MTERF3: variants seen among roughly 807,000 people sequenced by gnomAD.
MTERF3 encodes transcription termination factor 3, mitochondrial.
Under a neutral mutation model 40.5 loss-of-function variants are expected in MTERF3, and 40 were observed. The observed-to-expected ratio is 0.99, with a 90% confidence interval of 0.77 to 1.29. The LOEUF is 1.29. Ranked by LOEUF, MTERF3 falls within the 50% of genes most tolerant of loss-of-function variation. The pLI is 0.00. For synonymous variants in MTERF3, 158 were observed against 166.6 expected (o/e 0.95, Z 0.40); for missense variants, 452 against 478.2 (o/e 0.95, Z 0.51).
At position 96,245,860 on chromosome 8, in the gene MTERF3, C is replaced by T. The variant is rs773872247; in HGVS notation, c.897G>A (p.Lys299=). ...GSLEPVKENM[K]VYRLELGFKH... is the part of the protein sequence containing the mutation. ...CTCAAAAAGCCTAAAGTTGTCCTAC[C>T]TTCATATTTTCTTTCACGGGTTCCA... The change falls in exon 6 of 8, where the codon AAG becomes AAA. Residue 299 remains lysine (K), a splice_region_variant and synonymous_variant. Coordinates refer to ENST00000287025, the MANE Select transcript of MTERF3 (RefSeq NM_015942.5). The T allele has an allele frequency of 3.8e-5, 61 of 1,613,088 alleles. No homozygotes were observed. Among genetic ancestry groups the T allele is most frequent in the Non-Finnish European group, 5.0e-5 (59 of 1,179,272 alleles).
intron 1 of MTERF3, 99 bp downstream of exon 1, chr8:96,261,402 G>A (rs1210964505): frequency 1.3e-5 from 2 of 152,320 alleles, no homozygotes; most frequent in African/African-American, 2.4e-5. Context: ...AAAACCTAAA[G>A]GCCCTTGAGG....
chr8:96,246,524 G>C, intron 4 of MTERF3, 70 bp from the exon 5 acceptor site: 1 of 1,338,720 alleles, frequency 7.5e-7, no homozygotes, highest in Non-Finnish European at 1.0e-6. Context: ...GGAGTCTCAT[G>C]CTACTTCCCA....
At chr8:96,247,710 G>A (rs1810047711) in intron 4 of MTERF3, among the ~76,000 whole-genome samples, 10 of 151,924 alleles carry the variant, frequency 6.6e-5, no homozygotes, top group Admixed American at 6.6e-4. Context: ...TTTAAAAATA[G>A]TTAAAATATT....
intron 7 of MTERF3, 199 bp from the exon 8 acceptor site, chr8:96,239,884 C>G: frequency 1.4e-6 from 1 of 699,224 alleles, no homozygotes; most frequent in South Asian, 1.5e-5. Flanking sequence ...AATCAACATA[C>G]AAAACAATAA....
chr8:96,255,329 G>A (rs1466179263), intron 3 of MTERF3, among the ~76,000 whole-genome samples: 1 of 152,008 alleles, frequency 6.6e-6, no homozygotes, highest in Non-Finnish European at 1.5e-5. Context: ...AAAGAGGAAG[G>A]GGACAAAAGC....
chr8:96,249,359 G>A (rs1810081753), intron 4 of MTERF3, among the ~76,000 whole-genome samples: 1 of 152,176 alleles, frequency 6.6e-6, no homozygotes, highest in Admixed American at 6.5e-5. Context: ...AGCAAAAAGG[G>A]CAAGCTGGTT....
chr8:96,252,105 C>T (rs1398427367), intron 3 of MTERF3, among the ~76,000 whole-genome samples: 1 of 152,206 alleles, frequency 6.6e-6, no homozygotes, highest in African/African-American at 2.4e-5. Context: ...GTGCCTTTCA[C>T]CTTCTGCCAT....
At chr8:96,249,051 C>A (rs780553623) in intron 4 of MTERF3, among the ~76,000 whole-genome samples, 1 of 152,158 alleles carries the variant, frequency 6.6e-6, no homozygotes, top group African/African-American at 2.4e-5. Context: ...ATGCTACCGA[C>A]GTGAGAATAT....
At chr8:96,250,574 GGTGGCCAC>G (rs1180816324) in intron 4 of MTERF3, among the ~76,000 whole-genome samples, 1 of 140,198 alleles carries the variant, frequency 7.1e-6, no homozygotes, top group African/African-American at 2.7e-5. Flanking sequence ...AGCCAGGCAT[GGTGGCCAC>G]CTGTAGTCAC....
chr8:96,250,866 C>G, intron 4 of MTERF3, 40 bp downstream of exon 4: 2 of 1,542,142 alleles, frequency 1.3e-6, no homozygotes, highest in Non-Finnish European at 8.8e-7. Context: ...CCTTCATAAC[C>G]ACTTCTTAGG....
chr8:96,250,810 G>A, intron 4 of MTERF3, 96 bp downstream of exon 4: 1 of 1,183,416 alleles, frequency 8.5e-7, no homozygotes, highest in Non-Finnish European at 1.2e-6. Context: ...TATCTCAGTA[G>A]ACCCTTGTGC....
chr8:96,257,010 G>A lies in MTERF3; in HGVS notation c.439C>T (p.Arg147Ter), dbSNP rs145305126. 8.1e-6 allele frequency: 13 copies of A among 1,613,972 alleles called. No homozygotes were observed. Among genetic ancestry groups the A allele is most frequent in the African/African-American group, 1.3e-5 (1 of 75,044 alleles). Residue 147 changes from arginine (R) to a stop codon, truncating the protein, a stop_gained, in exon 3 of 8, where the codon CGA (arginine) becomes TGA (stop). Coordinates refer to ENST00000287025, the MANE Select transcript of MTERF3 (RefSeq NM_015942.5). LOFTEE classifies it high-confidence loss of function. ...GTCTCAGAATGATCCACATAGTCTC[G>A]AAGTGTGAATGAAGCTGGTGGCAAT... Reference protein sequence around the residue: ...PPLPPASFTLRDYVDHSETLQ... With the variant: ...PPLPPASFTL
chr8:96,242,169 G>A (rs912372671), intron 7 of MTERF3, among the ~76,000 whole-genome samples: 13 of 152,124 alleles, frequency 8.5e-5, no homozygotes, highest in African/African-American at 1.9e-4. Flanking sequence ...GTCCGTTAAT[G>A]TATTTTTTCA....
intron 4 of MTERF3, among the ~76,000 whole-genome samples, chr8:96,248,399 G>GA (rs1414409938): frequency 1.3e-5 from 2 of 152,126 alleles, no homozygotes; most frequent in Non-Finnish European, 2.9e-5. Context: ...GCAGCACCAA[G>GA]AAAAAATAAT....
intron 4 of MTERF3, among the ~76,000 whole-genome samples, chr8:96,250,207 A>G (rs1466343748): frequency 1.3e-5 from 2 of 152,140 alleles, no homozygotes; most frequent in African/African-American, 4.8e-5. Flanking sequence ...CAAATTATAC[A>G]GTAATTTGCC....
intron 3 of MTERF3, among the ~76,000 whole-genome samples, chr8:96,254,338 C>T (rs1810243561): frequency 1.3e-5 from 2 of 152,016 alleles, no homozygotes; most frequent in Admixed American, 1.3e-4. Context: ...TATTAACTAC[C>T]ATCATCATGC....
chr8:96,239,534 T>C lies in MTERF3; in HGVS notation c.1211A>G (p.Lys404Arg). Residue 404 changes from lysine (K) to arginine (R), a missense_variant, in exon 8 of 8, where the codon AAA becomes AGA. By Grantham distance (26) the Lys-to-Arg change is conservative (BLOSUM62 2). Coordinates refer to ENST00000287025, the MANE Select transcript of MTERF3 (RefSeq NM_015942.5). ...PDEIFCEEIA[K>R]ASVQDFEKFL... ...TTTTTCAAAGTCCTGTACTGATGCT[T>C]TGGCAATCTCTTCACAAAATATTTC... The C allele has an allele frequency of 6.2e-7, 1 of 1,610,018 alleles. No homozygotes were observed. The highest frequency in any genetic ancestry group is 8.5e-7 in the Non-Finnish European group (1 of 1,179,084).
chr8:96,247,375 T>C (rs1810041097), intron 4 of MTERF3, among the ~76,000 whole-genome samples: 1 of 152,202 alleles, frequency 6.6e-6, no homozygotes, highest in South Asian at 2.1e-4. Flanking sequence ...CTATGTAAGT[T>C]AGTAAAATAT....
At position 96,256,985 on chromosome 8, in the gene MTERF3, G is replaced by A. The variant is rs199811648; in HGVS notation, c.464C>T (p.Thr155Ile). The A allele has an allele frequency of 6.2e-7, 1 of 1,612,948 alleles. No homozygotes were observed. Among genetic ancestry groups the A allele is most frequent in the South Asian group, 1.1e-5 (1 of 90,782 alleles). The change falls in exon 3 of 8, where the codon ACT (threonine) becomes ATT (isoleucine). Residue 155 changes from threonine (T) to isoleucine (I), a missense_variant. Physicochemically the swap from Thr to Ile is moderately conservative, Grantham distance 89. Transcript: ENST00000287025. The part of the protein sequence containing the change: ...TLRDYVDHSE[T>I]LQKLVLLGVD... The stretch of plus-strand genomic sequence containing the variant: ...ACCTAGAAGAACCAACTTCTGCAGA[G>A]TCTCAGAATGATCCACATAGTCTCG...
Sources: gnomAD v4.1 joint callset for allele counts (sites outside exome capture counted in the v4.1 genomes callset) on GRCh38, gnomAD v4.1.1 for gene constraint, MANE v1.5 for transcripts, NCBI Gene and HGNC (gene_info 2026-07-23, HGNC 2026-07-21) for gene names.